Variants in SHROOM4 observed in about 807,000 individuals in gnomAD.
The protein encoded by SHROOM4 is shroom family member 4.
In SHROOM4, 17 loss-of-function variants were observed where a neutral mutation model predicts 80.3. The observed-to-expected ratio is 0.21, with a 90% CI of 0.14 to 0.32. The LOEUF (loss-of-function observed/expected upper bound fraction) is 0.32. Ranked by LOEUF, SHROOM4 falls within the 10% of genes least tolerant of loss-of-function variation. The pLI, the probability that SHROOM4 is intolerant of heterozygous loss-of-function variation, is 1.00. For missense variants in SHROOM4, 993 were observed against 1,140.3 expected (o/e 0.87, Z 1.86); for synonymous variants, 400 against 437.5 (o/e 0.91, Z 1.07).
Position 50,608,076 on chromosome X carries a change from G to T in SHROOM4, c.3066C>A (p.Asp1022Glu). The change falls in exon 6 of 9, where the codon GAC (aspartate) becomes GAA (glutamate). Residue 1022 changes from aspartate to glutamate, a missense_variant. By Grantham distance (45) the Asp-to-Glu change is conservative (BLOSUM62 2). Coordinates refer to ENST00000376020, the MANE Select transcript of SHROOM4 (RefSeq NM_020717.5). ...AAGCATGTTTGAAGTCTCCAAGGAG[G>T]TCAAGAGAAGAAATTGCTCGGTAGC... ...LSSYRAISSL[D>E]LLGDFKHALK... The T allele has an allele frequency of 8.3e-7, 1 of 1,211,515 alleles. No individual in the cohort carries two copies. Among genetic ancestry groups the T allele is most frequent in the Non-Finnish European group, 1.1e-6 (1 of 895,455 alleles).
chrX:50,716,015 T>C (rs1933941518), intron 1 of SHROOM4, among the ~76,000 whole-genome samples: 1 of 110,901 alleles, frequency 9.0e-6, no homozygotes, highest in Non-Finnish European at 1.9e-5. Flanking sequence ...TGAAACACTA[T>C]GCAACCTTAA....
At chrX:50,731,572 A>G (rs1934371972) in intron 1 of SHROOM4, among the ~76,000 whole-genome samples, 1 of 112,027 alleles carries the variant, frequency 8.9e-6, no homozygotes, top group Admixed American at 9.5e-5. Context: ...CCAGAGCTCC[A>G]ATAGCCCTTC....
intron 2 of SHROOM4, among the ~76,000 whole-genome samples, chrX:50,658,850 T>C (rs1932403045): frequency 9.0e-6 from 1 of 111,528 alleles, no homozygotes; most frequent in Admixed American, 9.5e-5. Flanking sequence ...TGCATCCATG[T>C]TGGGGAGCAG....
chrX:50,609,271 A>T (rs1410996108), intron 5 of SHROOM4, among the ~76,000 whole-genome samples: 2 of 111,045 alleles, frequency 1.8e-5, no homozygotes, highest in African/African-American at 3.3e-5. Flanking sequence ...CAAAAAAAAA[A>T]ATATCCTAAT....
At chrX:50,742,653 C>A (rs968655854) in intron 1 of SHROOM4, among the ~76,000 whole-genome samples, 19 of 95,155 alleles carry the variant, frequency 2.0e-4, no homozygotes, top group Non-Finnish European at 3.7e-4. Context: ...GGGGGGGGGG[C>A]AATCACAGAA....
At chrX:50,739,189 A>C (rs1435282636) in intron 1 of SHROOM4, among the ~76,000 whole-genome samples, 5 of 111,112 alleles carry the variant, frequency 4.5e-5, no homozygotes, top group African/African-American at 1.3e-4. Flanking sequence ...TTCAAGATGG[A>C]TTAAAGACTT....
chrX:50,610,352 T>TCTCACACACACACACA lies in SHROOM4; in HGVS notation c.2958-2169_2958-2168insTGTGTGTGTGTGTGAG, dbSNP rs782591424. Reference sequence around the variant, plus strand: ...GGCATATTCTCTCTCTCTCTCTCTCTCACACACACACACACACACACACAC... The same window carrying TCTCACACACACACACA: ...GGCATATTCTCTCTCTCTCTCTCTCTCTCACACACACACACACACACACACACACACACACACACAC... On this transcript the variant is annotated intron_variant, in intron 5 of 8. Coordinates refer to ENST00000376020, the MANE Select transcript of SHROOM4 (RefSeq NM_020717.5). Among the ~76,000 whole-genome samples, 798 of 91,676 alleles carry TCTCACACACACACACA rather than the reference T, an allele frequency of 8.7e-3. 8 individuals carry two copies. Among genetic ancestry groups the TCTCACACACACACACA allele is most frequent in the Middle Eastern group, 0.022 (4 of 178 alleles). 79.6% of individuals were successfully genotyped at this position (91,676 alleles called of 115,157 possible).
chrX:50,757,488 G>A (rs1487909424), intron 1 of SHROOM4, among the ~76,000 whole-genome samples: 1 of 111,549 alleles, frequency 9.0e-6, no homozygotes, highest in Non-Finnish European at 1.9e-5. Context: ...ATTTCTCTGT[G>A]TATTTTAGAA....
chrX:50,696,895 G>A (rs185596715), intron 1 of SHROOM4, among the ~76,000 whole-genome samples: 1 of 112,052 alleles, frequency 8.9e-6, no homozygotes, highest in Admixed American at 9.4e-5. Context: ...GAATGTCTCT[G>A]GGGGTCCTTG....
Position 50,620,591 on chromosome X carries a change from C to T in SHROOM4, c.2957+7023G>A, listed in dbSNP as rs150015701. Among the ~76,000 whole-genome samples the T allele has an allele frequency of 7.7e-4, 86 of 112,111 alleles. 1 individual carries two copies. The East Asian group carries it at 0.015, about 20-fold the overall frequency. On this transcript the variant is annotated intron_variant, in intron 5 of 8. Transcript: ENST00000376020. ...TCTTGTCACATTTTTCTAGATTGCC[C>T]TCTAGGAAGACTAAACCAATTTGTA...
intron 5 of SHROOM4, 50 bp downstream of exon 5, chrX:50,627,564 A>G (rs1176095390): frequency 1.8e-6 from 2 of 1,093,236 alleles, no homozygotes; most frequent in African/African-American, 3.6e-5. Flanking sequence ...CAATTTCTAC[A>G]GAAGCTCCAG....
intron 3 of SHROOM4, among the ~76,000 whole-genome samples, chrX:50,636,195 G>A (rs1449285592): frequency 1.8e-5 from 2 of 110,902 alleles, no homozygotes; most frequent in African/African-American, 6.6e-5. Context: ...TTTAGGTCTC[G>A]GTGAATCCTG....
At chrX:50,810,862 T>A (rs191064123) in intron 1 of SHROOM4, among the ~76,000 whole-genome samples, 561 of 112,334 alleles carry the variant, frequency 5.0e-3, no homozygotes, top group South Asian at 0.022. Flanking sequence ...TCCACAATCT[T>A]TCCTGACTGC....
intron 1 of SHROOM4, 132 bp from the exon 2 acceptor site, chrX:50,696,069 C>T: frequency 1.4e-6 from 1 of 693,034 alleles, no homozygotes; most frequent in Non-Finnish European, 2.2e-6. Flanking sequence ...GGGAGTAGCT[C>T]AGGAGCTGAT....
At chrX:50,630,178 T>C (rs1486354994) in intron 4 of SHROOM4, among the ~76,000 whole-genome samples, 2 of 110,990 alleles carry the variant, frequency 1.8e-5, no homozygotes, top group Non-Finnish European at 3.8e-5. Flanking sequence ...CCATCTCTTA[T>C]AGAGCTGCTG....
At chrX:50,644,912 G>T (rs1248092999) in intron 2 of SHROOM4, among the ~76,000 whole-genome samples, 1 of 112,188 alleles carries the variant, frequency 8.9e-6, no homozygotes, top group Non-Finnish European at 1.9e-5. Context: ...AACATGCCTG[G>T]CATGTAAAAG....
chrX:50,598,304 C>A lies in SHROOM4; in HGVS notation c.4174G>T (p.Ala1392Ser). ...LSGRLARVEN[A>S]LNSIDSEANQ... The stretch of plus-strand genomic sequence containing the variant: ...GCCTCTGAATCGATGCTGTTCAGAG[C>A]ATTCTCCACCCGGGCCAGTCGTCCA... The change falls in exon 8 of 9, where the codon GCT becomes TCT. Residue 1392 changes from alanine to serine, a missense_variant. Transcript: ENST00000376020. The A allele has an allele frequency of 8.3e-7, 1 of 1,211,557 alleles. No homozygotes were observed. The highest frequency in any genetic ancestry group is 1.1e-6 in the Non-Finnish European group (1 of 895,550).
At chrX:50,697,321 T>C (rs1933396428) in intron 1 of SHROOM4, among the ~76,000 whole-genome samples, 1 of 111,333 alleles carries the variant, frequency 9.0e-6, no homozygotes, top group Non-Finnish European at 1.9e-5. Context: ...TGGTATTCAC[T>C]GGAGGTATTT....
chrX:50,757,100 C>T, intron 1 of SHROOM4, among the ~76,000 whole-genome samples: 1 of 111,989 alleles, frequency 8.9e-6, no homozygotes. Context: ...ATGTTTTCTT[C>T]TAAGAGTTTT....
Sources: allele counts gnomAD v4.1 joint callset (sites outside exome capture counted in the v4.1 genomes callset), GRCh38; gene constraint gnomAD v4.1.1; transcripts MANE v1.5; gene names NCBI Gene and HGNC (gene_info 2026-07-23, HGNC 2026-07-21).